The following GALNTL6 variants were observed in gnomAD, a reference collection of about 807,000 sequenced individuals.
GALNTL6 encodes the protein polypeptide N-acetylgalactosaminyltransferase-like 6.
Under a neutral mutation model 73.7 loss-of-function variants are expected in GALNTL6, and 46 were observed. That is an observed-to-expected ratio of 0.62 (90% confidence interval 0.49 to 0.80). The LOEUF (loss-of-function observed/expected upper bound fraction) is 0.80, where lower values mean the gene tolerates loss of function less well. GALNTL6 is among the 30% of genes least tolerant of loss of function. The probability of loss-of-function intolerance (pLI) is 0.00; values close to 1 mark genes in which losing one functional copy is unlikely to be tolerated. For synonymous variants in GALNTL6, 259 were observed against 263.7 expected (o/e 0.98, Z 0.17); for missense variants, 604 against 755.0 (o/e 0.80, Z 2.34).
intron 2 of GALNTL6, among the ~76,000 whole-genome samples, chr4:172,063,276 C>A (rs1731262061): frequency 1.3e-5 from 2 of 152,180 alleles, no homozygotes; most frequent in African/African-American, 4.8e-5. Flanking sequence ...TCAATATAAT[C>A]TTTCACATTC....
chr4:173,004,863 C>T (rs1752206508), intron 10 of GALNTL6, among the ~76,000 whole-genome samples: 1 of 152,126 alleles, frequency 6.6e-6, no homozygotes, highest in Admixed American at 6.5e-5. Context: ...GTGCCTACGA[C>T]ATAGCAGGTA....
At chr4:172,233,423 A>G (rs1246615609) in intron 3 of GALNTL6, among the ~76,000 whole-genome samples, 1 of 152,068 alleles carries the variant, frequency 6.6e-6, no homozygotes, top group Non-Finnish European at 1.5e-5. Flanking sequence ...TGGGTCTTAG[A>G]TCCACCTAGT....
chr4:171,880,150 G>A (rs1030659598), intron 2 of GALNTL6, among the ~76,000 whole-genome samples: 4 of 152,126 alleles, frequency 2.6e-5, no homozygotes, highest in African/African-American at 9.7e-5. Context: ...GATCCAAGGA[G>A]TTCTTCTCAT....
At chr4:172,837,737 A>C (rs1323974521) in intron 7 of GALNTL6, among the ~76,000 whole-genome samples, 1 of 152,232 alleles carries the variant, frequency 6.6e-6, no homozygotes, top group African/African-American at 2.4e-5. Flanking sequence ...AAGCAATTCT[A>C]AACAGAAAAT....
chr4:172,401,107 T>G (rs1447653727), intron 5 of GALNTL6, among the ~76,000 whole-genome samples: 2 of 152,100 alleles, frequency 1.3e-5, no homozygotes, highest in African/African-American at 2.4e-5. Context: ...TTTTGCAAAG[T>G]TTCATTATTC....
At chr4:172,148,210 AAATAT>A (rs1457502235) in intron 2 of GALNTL6, among the ~76,000 whole-genome samples, 2 of 152,198 alleles carry the variant, frequency 1.3e-5, no homozygotes, top group African/African-American at 2.4e-5. Flanking sequence ...GTATTTCTTA[AAATAT>A]AATATATTTC....
At chr4:172,495,709 C>G (rs559645409) in intron 5 of GALNTL6, among the ~76,000 whole-genome samples, 202 of 151,680 alleles carry the variant, frequency 1.3e-3, no homozygotes, top group Admixed American at 6.9e-3. Context: ...AGATGGGAGT[C>G]TAATTAAAAT....
intron 8 of GALNTL6, among the ~76,000 whole-genome samples, chr4:172,908,226 G>C (rs1020772930): frequency 6.6e-6 from 1 of 152,158 alleles, no homozygotes; most frequent in Non-Finnish European, 1.5e-5. Context: ...TTGTTGGACT[G>C]TGCTTGGCCA....
At chr4:171,942,770 T>C (rs997291040) in intron 2 of GALNTL6, among the ~76,000 whole-genome samples, 1 of 152,218 alleles carries the variant, frequency 6.6e-6, no homozygotes, top group African/African-American at 2.4e-5. Flanking sequence ...TATAGAATTA[T>C]ATGCTCAATT....
chr4:172,774,216 A>G (rs1365732636), intron 5 of GALNTL6, among the ~76,000 whole-genome samples: 1 of 152,214 alleles, frequency 6.6e-6, no homozygotes, highest in Non-Finnish European at 1.5e-5. Context: ...ACAGCATAAC[A>G]TATGAATGAG....
At chr4:172,128,201 A>C (rs768185264) in intron 2 of GALNTL6, among the ~76,000 whole-genome samples, 2 of 152,336 alleles carry the variant, frequency 1.3e-5, no homozygotes, top group South Asian at 4.1e-4. Flanking sequence ...CAAATTTTAA[A>C]ACAGCTTACT....
At chr4:172,726,965 A>T (rs1174982731) in intron 5 of GALNTL6, among the ~76,000 whole-genome samples, 1 of 152,234 alleles carries the variant, frequency 6.6e-6, no homozygotes, top group African/African-American at 2.4e-5. Flanking sequence ...ACTTTCAGGA[A>T]TCAAATATAA....
intron 10 of GALNTL6, among the ~76,000 whole-genome samples, chr4:172,957,133 G>A (rs980283515): frequency 3.1e-4 from 47 of 152,290 alleles, no homozygotes; most frequent in African/African-American, 1.1e-3. Context: ...TGCCAGTCCT[G>A]GGCGGGAGCA....
chr4:171,832,155 G>A (rs1309172256), intron 2 of GALNTL6, among the ~76,000 whole-genome samples: 1 of 151,298 alleles, frequency 6.6e-6, no homozygotes. Context: ...CTGATGAAAT[G>A]TAAAGATTCT....
At chr4:172,539,911 AAT>A (rs1297720766) in intron 5 of GALNTL6, among the ~76,000 whole-genome samples, 2 of 139,978 alleles carry the variant, frequency 1.4e-5, no homozygotes, top group Non-Finnish European at 3.1e-5. Context: ...ATATATAAAA[AAT>A]CTCATTTAAT....
At chr4:171,895,510 G>T (rs977474037) in intron 2 of GALNTL6, among the ~76,000 whole-genome samples, 9 of 152,128 alleles carry the variant, frequency 5.9e-5, no homozygotes, top group South Asian at 2.1e-4. Flanking sequence ...TTTAGCTAAG[G>T]CAAAGGATCT....
chr4:172,435,871 T>A (rs932764031), intron 5 of GALNTL6, among the ~76,000 whole-genome samples: 2 of 152,144 alleles, frequency 1.3e-5, no homozygotes, highest in Non-Finnish European at 2.9e-5. Context: ...GGGTATTATC[T>A]GTAAAAGTAA....
chr4:172,412,793 C>T (rs1744493558), intron 5 of GALNTL6, among the ~76,000 whole-genome samples: 1 of 151,996 alleles, frequency 6.6e-6, no homozygotes, highest in Admixed American at 6.6e-5. Context: ...CAACAAGTAA[C>T]AAAAAAATCC....
Position 172,430,090 on chromosome 4 carries a change from T to C in GALNTL6, c.553+81401T>C, listed in dbSNP as rs192866280. ...ATATATGTGTGTGTATATATATATATACATATATATATCTGTGAAGTGAAA... is the reference window on the plus strand; with the variant it reads ...ATATATGTGTGTGTATATATATATACACATATATATATCTGTGAAGTGAAA... On this transcript the variant is annotated intron_variant, in intron 5 of 12. Coordinates refer to ENST00000506823, the MANE Select transcript of GALNTL6 (RefSeq NM_001034845.3). 2.0e-4 allele frequency among the ~76,000 whole-genome samples: 30 copies of C among 151,924 alleles called. No homozygotes were observed. The East Asian group carries it at 2.3e-3, about 12-fold the overall frequency.
Sources: allele counts gnomAD v4.1 joint callset (sites outside exome capture counted in the v4.1 genomes callset), GRCh38; gene constraint gnomAD v4.1.1; transcripts MANE v1.5; gene names NCBI Gene and HGNC (gene_info 2026-07-23, HGNC 2026-07-21).